MCRS1: variants seen among roughly 807,000 people sequenced by gnomAD.
MCRS1 encodes the protein 58 kDa microspherule protein.
Under a neutral mutation model 62.9 loss-of-function variants are expected in MCRS1, and 22 were observed. The ratio of observed to expected loss-of-function variants is 0.35; its 90% CI spans 0.25 to 0.50. MCRS1 has a LOEUF of 0.50. MCRS1 is among the 20% of genes least tolerant of loss of function. The pLI is 0.98. For missense variants in MCRS1, 456 were observed against 601.1 expected (o/e 0.76, Z 2.52); for synonymous variants, 244 against 233.5 (o/e 1.04, Z -0.41).
At position 49,559,057 on chromosome 12, in the gene MCRS1, T is replaced by C; in HGVS notation, c.1175-87A>G. 1.9e-6 allele frequency: 3 copies of C among 1,579,728 alleles called. No individual in the cohort carries two copies. The highest frequency in any genetic ancestry group is 2.6e-6 in the Non-Finnish European group (3 of 1,154,672). ...GGCCAGAGAGAGCCAGGAGCTTCCATGGACCAGCTCTGCTTCCTGCAGACA... is the reference window on the plus strand; with the variant it reads ...GGCCAGAGAGAGCCAGGAGCTTCCACGGACCAGCTCTGCTTCCTGCAGACA... On this transcript the variant is annotated intron_variant, in intron 13 of 14. Coordinates refer to ENST00000343810, the MANE Select transcript of MCRS1 (RefSeq NM_006337.5). The surrounding 1 kb of genome is among the most constrained non-coding windows in gnomAD (Gnocchi z 5.2).
At position 49,558,686 on chromosome 12, in the gene MCRS1, A is replaced by G. The variant is rs1373792211; in HGVS notation, c.1346T>C (p.Ile449Thr). 2 of 1,613,900 alleles carry G rather than the reference A, an allele frequency of 1.2e-6. No homozygotes were observed. The highest frequency in any genetic ancestry group is 1.7e-5 in the Admixed American group (1 of 60,032). The change falls in exon 15 of 15, where the codon ATT (isoleucine) becomes ACT (threonine). Residue 449 changes from isoleucine to threonine, a missense_variant. Physicochemically the swap from Ile to Thr is moderately conservative, Grantham distance 89. Transcript: ENST00000343810. ...GGCAGCCTCAGCCCTGATGAGGGCA[A>G]TGAGGTCCTGGTTGATAAGGAAGAC... ...RFVFLINQDL[I>T]ALIRAEAAKI...
chr12:49,562,772 G>A (rs1246296844), intron 8 of MCRS1, among the ~76,000 whole-genome samples: 2 of 152,194 alleles, frequency 1.3e-5, no homozygotes, highest in African/African-American at 4.8e-5. Context: ...TGGACCTTTT[G>A]CCAAAGATTC....
At chr12:49,564,936 T>A in intron 4 of MCRS1, 41 bp from the exon 5 acceptor site, 2 of 1,519,288 alleles carry the variant, frequency 1.3e-6, no homozygotes. Context: ...AAAGCCAGCA[T>A]CCAGTCAGCT....
rs746992172 is a variant in MCRS1 at position 49,564,549 on chromosome 12, G to A, written c.489C>T (p.Ser163=). The A allele has an allele frequency of 9.4e-5, 152 of 1,612,538 alleles. No individual in the cohort carries two copies. Among genetic ancestry groups the A allele is most frequent in the Non-Finnish European group, 8.5e-7 (1 of 1,179,336 alleles). Residue 163 remains serine, a synonymous_variant, in exon 6 of 15, where the codon AGC becomes AGT. Coordinates refer to ENST00000343810, the MANE Select transcript of MCRS1 (RefSeq NM_006337.5). ...LTSVHLGVKF[S]CRFTLREVQE... ...GGACCTCCCGAAGGGTGAAGCGGCAGCTGAATTTCACGCCCAGGTGGACGG... is the reference window on the plus strand; with the variant it reads ...GGACCTCCCGAAGGGTGAAGCGGCAACTGAATTTCACGCCCAGGTGGACGG...
chr12:49,559,010 A>G lies in MCRS1; in HGVS notation c.1175-40T>C. The G allele has an allele frequency of 1.2e-6, 2 of 1,604,250 alleles. No homozygotes were observed. The highest frequency in any genetic ancestry group is 1.4e-5 in the African/African-American group (1 of 70,764). ...AGAAAGAAGGGATGATGGGATGGGGAGGGATTGATGGGATGGGGAAAGGCC... is the reference window on the plus strand; with the variant it reads ...AGAAAGAAGGGATGATGGGATGGGGGGGGATTGATGGGATGGGGAAAGGCC... On this transcript the variant is annotated intron_variant, in intron 13 of 14. Coordinates refer to ENST00000343810, the MANE Select transcript of MCRS1 (RefSeq NM_006337.5). The surrounding 1 kb of genome is among the most constrained non-coding windows in gnomAD (Gnocchi z 5.2).
intron 9 of MCRS1, 60 bp downstream of exon 9, chr12:49,560,235 C>T: frequency 2.5e-6 from 4 of 1,570,676 alleles, no homozygotes; most frequent in Admixed American, 3.3e-5. Flanking sequence ...GCCTGGGGCG[C>T]TCTACCTGAC....
At chr12:49,560,708 G>A (rs910435947) in intron 8 of MCRS1, among the ~76,000 whole-genome samples, 1 of 152,236 alleles carries the variant, frequency 6.6e-6, no homozygotes, top group Non-Finnish European at 1.5e-5. Flanking sequence ...AGACACAGGA[G>A]AGGGGTTAAA....
chr12:49,558,419 G>T lies in MCRS1; in HGVS notation c.*224C>A, dbSNP rs1938565354. On this transcript the variant is annotated 3_prime_UTR_variant, in exon 15 of 15. Transcript: ENST00000343810. ...TGGGGGGTAGGGTTGTTTTTAGAGA[G>T]AGGAAGATGGGGAGGGGCTCTGGAT... The T allele has an allele frequency of 3.5e-6, 2 of 565,146 alleles. No homozygotes were observed. The highest frequency in any genetic ancestry group is 5.7e-5 in the East Asian group (2 of 35,048). 35.0% of individuals were successfully genotyped at this position (565,146 alleles called of 1,614,324 possible). A position where few individuals can be genotyped will look rare whatever the true frequency, so the allele number is the denominator to read the frequency against.
At chr12:49,562,500 C>G (rs1343459025) in intron 8 of MCRS1, among the ~76,000 whole-genome samples, 1 of 152,094 alleles carries the variant, frequency 6.6e-6, no homozygotes, top group East Asian at 1.9e-4. Flanking sequence ...GGCAGCTTGA[C>G]AGCACTAACG....
chr12:49,566,860 G>C lies in MCRS1; in HGVS notation c.-110-19C>G. The C allele has an allele frequency of 8.1e-7, 1 of 1,235,136 alleles. No homozygotes were observed. The highest frequency in any genetic ancestry group is 1.1e-6 in the Non-Finnish European group (1 of 872,012). The allele number at this position is 1,235,136 out of a possible 1,614,324, so 76.5% of individuals were successfully genotyped here. On this transcript the variant is annotated intron_variant, in intron 1 of 14. Transcript: ENST00000343810. The stretch of plus-strand genomic sequence containing the variant: ...GGAGATTCTGCAAAGGAGAAATGAG[G>C]CTCCCTGAGGCTCAGATTTCCAACT...
chr12:49,561,409 G>T (rs985594984), intron 8 of MCRS1, among the ~76,000 whole-genome samples: 1 of 152,130 alleles, frequency 6.6e-6, no homozygotes, highest in Non-Finnish European at 1.5e-5. Context: ...ACTCCATCAA[G>T]TCCCTCCCCA....
Position 49,559,210 on chromosome 12 carries a change from A to G in MCRS1, c.1174+4T>C. ...TTCCTGCTGGGGCAGGGGGTGGGGGATACCTTGTTTCCGGGATATCTTCCA... is the reference window on the plus strand; with the variant it reads ...TTCCTGCTGGGGCAGGGGGTGGGGGGTACCTTGTTTCCGGGATATCTTCCA... On this transcript the variant is annotated splice_donor_region_variant and intron_variant, in intron 13 of 14. Coordinates refer to ENST00000343810, the MANE Select transcript of MCRS1 (RefSeq NM_006337.5). The surrounding 1 kb of genome is among the most constrained non-coding windows in gnomAD (Gnocchi z 5.2). 1.2e-6 allele frequency: 2 copies of G among 1,613,164 alleles called. No individual in the cohort carries two copies. The highest frequency in any genetic ancestry group is 1.7e-6 in the Non-Finnish European group (2 of 1,179,468).
At position 49,558,985 on chromosome 12, in the gene MCRS1, A is replaced by C. The variant is rs767954698; in HGVS notation, c.1175-15T>G. 2 of 1,610,460 alleles carry C rather than the reference A, an allele frequency of 1.2e-6. No individual in the cohort carries two copies. The highest frequency in any genetic ancestry group is 1.7e-6 in the Non-Finnish European group (2 of 1,179,866). On this transcript the variant is annotated splice_polypyrimidine_tract_variant and intron_variant, in intron 13 of 14. Transcript: ENST00000343810. ...CTTGATGACACCTGTGGAAGCAGAA[A>C]GAAAGAAGGGATGATGGGATGGGGA...
chr12:49,566,485 G>C, intron 2 of MCRS1: 4 of 1,551,072 alleles, frequency 2.6e-6, no homozygotes, highest in Non-Finnish European at 3.5e-6. Flanking sequence ...ATGCCGACAC[G>C]CTGGGCTCTG....
At chr12:49,561,278 T>C (rs1319866643) in intron 8 of MCRS1, among the ~76,000 whole-genome samples, 1 of 152,176 alleles carries the variant, frequency 6.6e-6, no homozygotes, top group Non-Finnish European at 1.5e-5. Context: ...TAGGGTGTGC[T>C]CTATAGCAGC....
chr12:49,565,633 C>A lies in MCRS1; in HGVS notation c.184G>T (p.Val62Leu), dbSNP rs757058333. 1 of 1,614,136 alleles carries A rather than the reference C, an allele frequency of 6.2e-7. No individual in the cohort carries two copies. The highest frequency in any genetic ancestry group is 8.5e-7 in the Non-Finnish European group (1 of 1,180,002). Residue 62 changes from valine to leucine, a missense_variant, in exon 4 of 15, where the codon GTG (valine) becomes TTG (leucine). Val to Leu is a conservative substitution (Grantham distance 32). Coordinates refer to ENST00000343810, the MANE Select transcript of MCRS1 (RefSeq NM_006337.5). ...IKRKKFDDEL[V>L]ESSLAKSSTR... ...GAAGATTTTGCCAGGCTGCTCTCCACCAGCTCATCATCGAACTTCTTCCTC... is the reference window on the plus strand; with the variant it reads ...GAAGATTTTGCCAGGCTGCTCTCCAACAGCTCATCATCGAACTTCTTCCTC...
At chr12:49,558,994 GGATGATGGGATGGGGAGGGATT>G (rs1241376334) in intron 13 of MCRS1, 24 bp from the exon 14 acceptor site, 3 of 1,600,668 alleles carry the variant, frequency 1.9e-6, no homozygotes, top group Middle Eastern at 1.7e-4. Flanking sequence ...AAGAAAGAAG[GGATGATGGGATGGGGAGGGATT>G]GATGGGATGG....
chr12:49,566,776 G>A lies in MCRS1; in HGVS notation c.-45C>T, dbSNP rs372014230. 6.2e-7 allele frequency: 1 copy of A among 1,610,606 alleles called. No homozygotes were observed. The highest frequency in any genetic ancestry group is 8.5e-7 in the Non-Finnish European group (1 of 1,178,354). On this transcript the variant is annotated 5_prime_UTR_variant, in exon 2 of 15. Transcript: ENST00000343810. ...CACTGGTTCCAAACCACCGGGCTAG[G>A]AGGAACGGTCCCACAGGCTCATCCA... is the stretch of plus-strand genomic sequence containing the variant.
rs1938582263 is a variant in MCRS1 at position 49,558,698 on chromosome 12, T to G, written c.1334A>C (p.Asn445Thr). 1 of 1,613,718 alleles carries G rather than the reference T, an allele frequency of 6.2e-7. No homozygotes were observed. Among genetic ancestry groups the G allele is most frequent in the Non-Finnish European group, 8.5e-7 (1 of 1,180,030 alleles). Residue 445 changes from asparagine to threonine, a missense_variant, in exon 15 of 15, where the codon AAC becomes ACC. Asn to Thr is a moderately conservative substitution (Grantham distance 65). Transcript: ENST00000343810. ...IASLRFVFLI[N>T]QDLIALIRAE... ...CCTGATGAGGGCAATGAGGTCCTGG[T>G]TGATAAGGAAGACGAATCGCAGGCT...
Sources: gnomAD v4.1 joint callset for allele counts (sites outside exome capture counted in the v4.1 genomes callset) on GRCh38, gnomAD v4.1.1 for gene constraint, Gnocchi (gnomAD v3.1) non-coding constraint, MANE v1.5 for transcripts, NCBI Gene and HGNC (gene_info 2026-07-23, HGNC 2026-07-21) for gene names.